The following ATG7 variants were observed in gnomAD, a reference collection of about 807,000 sequenced individuals.
ATG7 encodes the protein ubiquitin-like modifier-activating enzyme ATG7.
A neutral mutation model predicts 82.4 loss-of-function variants in ATG7; 70 were observed. The observed-to-expected ratio is 0.85, with a 90% CI of 0.70 to 1.04. The LOEUF (loss-of-function observed/expected upper bound fraction) is 1.04, where lower values mean the gene tolerates loss of function less well. Among genes scored for constraint, ATG7 ranks in the 50% least tolerant of loss-of-function variants. ATG7 has a pLI of 0.00. For missense variants in ATG7, 792 were observed against 864.3 expected (o/e 0.92, Z 1.05); for synonymous variants, 287 against 313.0 (o/e 0.92, Z 0.88).
At chr3:11,460,856 C>T (rs2086236353) in intron 20 of ATG7, among the ~76,000 whole-genome samples, 1 of 152,198 alleles carries the variant, frequency 6.6e-6, no homozygotes, top group African/African-American at 2.4e-5. Flanking sequence ...GAGAAGGTGC[C>T]AGTTGACCCT....
At chr3:11,276,613 A>G (rs538606165) in intron 1 of ATG7, among the ~76,000 whole-genome samples, 1 of 152,246 alleles carries the variant, frequency 6.6e-6, no homozygotes, top group South Asian at 2.1e-4. Context: ...CATTGCCAGA[A>G]TACCTGACCA....
chr3:11,397,338 T>C (rs781419271), intron 19 of ATG7, among the ~76,000 whole-genome samples: 1 of 151,728 alleles, frequency 6.6e-6, no homozygotes, highest in East Asian at 1.9e-4. Context: ...AAGCATTAAT[T>C]TGTAATACAA....
At chr3:11,506,701 C>T (rs2091751147) in intron 20 of ATG7, among the ~76,000 whole-genome samples, 1 of 151,570 alleles carries the variant, frequency 6.6e-6, no homozygotes, top group African/African-American at 2.4e-5. Context: ...GAGATTGTGC[C>T]ACTGCACTCC....
intron 9 of ATG7, among the ~76,000 whole-genome samples, chr3:11,317,899 A>G (rs900335951): frequency 3.9e-5 from 6 of 152,182 alleles, no homozygotes; most frequent in South Asian, 4.1e-4. Context: ...CCACAAGCCT[A>G]TGGCCTTTCT....
chr3:11,553,266 TTCACCTCACAGGTAGATGTGAGG>T (rs60878265), intron 20 of ATG7, among the ~76,000 whole-genome samples: 119,069 of 151,142 alleles, frequency 0.79, 47,205 homozygotes, highest in East Asian at 1. Flanking sequence ...TGTTTCCATC[TTCACCTCACAGGTAGATGTGAGG>T]TCACCTCACA....
In ATG7 at chr3:11,549,064, CT is replaced by C. The variant is rs151136027; in HGVS notation, c.2080-5736del. Among the ~76,000 whole-genome samples, 882 of 146,982 alleles carry C rather than the reference CT, an allele frequency of 6.0e-3. 7 individuals carry two copies. The highest frequency in any genetic ancestry group is 0.02 in the African/African-American group (802 of 40,272). On this transcript the variant is annotated intron_variant, in intron 20 of 20. Transcript: ENST00000693202. ...TCTTGCCAGCGTTATCTCAGTGCAGCTTTTTTTTTTTCAATCAGCTGTATTG... is the reference window on the plus strand; with the variant it reads ...TCTTGCCAGCGTTATCTCAGTGCAGCTTTTTTTTTTCAATCAGCTGTATTG...
rs529924351 is a variant in ATG7 at position 11,482,937 on chromosome 3, C to A, written c.2079+56011C>A. Reference sequence around the variant, plus strand: ...AGAACATTTCCAGGACTTGAGAAGCCCCCCCTTGAGCCCCTTACAGTCAGT... The same window carrying A: ...AGAACATTTCCAGGACTTGAGAAGCACCCCCTTGAGCCCCTTACAGTCAGT... On this transcript the variant is annotated intron_variant, in intron 20 of 20. Coordinates refer to ENST00000693202, the MANE Select transcript of ATG7 (RefSeq NM_001349232.2). Among the ~76,000 whole-genome samples the A allele has an allele frequency of 7.3e-5, 11 of 151,676 alleles. No homozygotes were observed. In the East Asian group the frequency reaches 7.7e-4, roughly 11 times the overall value.
chr3:11,464,214 A>G (rs746423512), intron 20 of ATG7, among the ~76,000 whole-genome samples: 2 of 152,016 alleles, frequency 1.3e-5, no homozygotes, highest in Non-Finnish European at 1.5e-5. Flanking sequence ...TCTACAAAAA[A>G]TACAAAAATT....
chr3:11,377,317 T>G (rs895508442), intron 18 of ATG7, among the ~76,000 whole-genome samples: 12 of 152,248 alleles, frequency 7.9e-5, no homozygotes, highest in Non-Finnish European at 1.8e-4. Context: ...CTACTTCATT[T>G]TCTGGGAAAA....
chr3:11,378,841 G>T (rs571891180), intron 18 of ATG7, among the ~76,000 whole-genome samples: 1 of 151,850 alleles, frequency 6.6e-6, no homozygotes, highest in Non-Finnish European at 1.5e-5. Context: ...TCTTTAAATA[G>T]TTTGTCAAAT....
intron 20 of ATG7, among the ~76,000 whole-genome samples, chr3:11,499,343 G>A (rs557113769): frequency 2.0e-5 from 3 of 152,274 alleles, no homozygotes; most frequent in Admixed American, 6.5e-5. Context: ...AAAGATATGA[G>A]ATCATCAGAA....
At chr3:11,573,699 G>A in the ATG7 span, among the ~76,000 whole-genome samples, 3 of 152,244 alleles carry the variant, frequency 2.0e-5, no homozygotes, top group African/African-American at 7.2e-5. Flanking sequence ...TACCAGCGCA[G>A]TTGAGCATCT....
intron 20 of ATG7, among the ~76,000 whole-genome samples, chr3:11,455,828 C>T (rs888177537): frequency 6.6e-6 from 1 of 152,218 alleles, no homozygotes; most frequent in Non-Finnish European, 1.5e-5. Context: ...CCCTACTCAT[C>T]AACCCCACAG....
intron 20 of ATG7, among the ~76,000 whole-genome samples, chr3:11,538,499 G>C (rs1190014576): frequency 6.6e-6 from 1 of 151,788 alleles, no homozygotes. Flanking sequence ...GTGTAAAAAT[G>C]CCATGGTATG....
At position 11,522,237 on chromosome 3, in the gene ATG7, GC is replaced by G. The variant is rs2092461057; in HGVS notation, c.2080-32571del. On this transcript the variant is annotated intron_variant, in intron 20 of 20. Coordinates refer to ENST00000693202, the MANE Select transcript of ATG7 (RefSeq NM_001349232.2). ...GCTAGCTGTGCCCTACTTGGGAACA[GC>G]CCTGTGGAAGAGGTAAGTCACCACG... 2.0e-5 allele frequency among the ~76,000 whole-genome samples: 3 copies of G among 152,150 alleles called. No homozygotes were observed. In the East Asian group the frequency reaches 5.8e-4, roughly 29 times the overall value.
intron 20 of ATG7, among the ~76,000 whole-genome samples, chr3:11,447,681 C>G (rs1339426985): frequency 2.0e-5 from 3 of 152,146 alleles, no homozygotes; most frequent in Admixed American, 6.5e-5. Flanking sequence ...AAATCTCATT[C>G]TTACATTAAG....
chr3:11,323,955 T>C (rs1451301632), intron 9 of ATG7, among the ~76,000 whole-genome samples: 1 of 152,244 alleles, frequency 6.6e-6, no homozygotes, highest in Non-Finnish European at 1.5e-5. Context: ...AAAATGTTCT[T>C]GCTGAAGACA....
At chr3:11,573,135 C>T in the ATG7 span, among the ~76,000 whole-genome samples, 44 of 151,442 alleles carry the variant, frequency 2.9e-4, no homozygotes, top group African/African-American at 8.7e-4. Flanking sequence ...CATTGCACTC[C>T]AACCTGGGTG....
chr3:11,505,791 C>T (rs867707351), intron 20 of ATG7, among the ~76,000 whole-genome samples: 6 of 152,184 alleles, frequency 3.9e-5, no homozygotes, highest in East Asian at 1.9e-4. Flanking sequence ...CAGTAGGCTC[C>T]GTGGCTTAAG....
Sources: gnomAD v4.1 joint callset for allele counts (sites outside exome capture counted in the v4.1 genomes callset) on GRCh38, gnomAD v4.1.1 for gene constraint, MANE v1.5 for transcripts, NCBI Gene and HGNC (gene_info 2026-07-23, HGNC 2026-07-21) for gene names.